AKNAD1: variants seen among roughly 807,000 people sequenced by gnomAD.
AKNAD1 encodes AKNA domain containing 1.
Under a neutral mutation model 90.8 loss-of-function variants are expected in AKNAD1, and 67 were observed. The ratio of observed to expected loss-of-function variants is 0.74; its 90% CI spans 0.61 to 0.90. The LOEUF (loss-of-function observed/expected upper bound fraction) is 0.90. Ranked by LOEUF, AKNAD1 falls within the 40% of genes least tolerant of loss-of-function variation. The pLI, the probability that AKNAD1 is intolerant of heterozygous loss-of-function variation, is 0.00. For missense variants in AKNAD1, 957 were observed against 975.4 expected (o/e 0.98, Z 0.25); for synonymous variants, 327 against 341.4 (o/e 0.96, Z 0.46).
intron 10 of AKNAD1, among the ~76,000 whole-genome samples, chr1:108,827,686 T>C (rs958978244): frequency 1.5e-4 from 22 of 150,472 alleles, no homozygotes; most frequent in East Asian, 1.2e-3. Flanking sequence ...CCGTAGTGGG[T>C]GCCTGTAGTC....
intron 3 of AKNAD1, among the ~76,000 whole-genome samples, chr1:108,849,316 A>C (rs2101213410): frequency 6.6e-6 from 1 of 151,034 alleles, no homozygotes; most frequent in African/African-American, 2.5e-5. Context: ...CCCCACATCT[A>C]CAAAAAAAAA....
At chr1:108,839,397 C>T (rs1355719854) in intron 6 of AKNAD1, among the ~76,000 whole-genome samples, 1 of 148,726 alleles carries the variant, frequency 6.7e-6, no homozygotes. Flanking sequence ...GGCGTGAAGC[C>T]GGGAGGCGGA....
intron 7 of AKNAD1, chr1:108,837,064 C>G (rs955566973): frequency 6.5e-6 from 1 of 152,998 alleles, no homozygotes; most frequent in Non-Finnish European, 1.5e-5. Context: ...AACCCCATCT[C>G]TACCAAAAAT....
intron 10 of AKNAD1, among the ~76,000 whole-genome samples, chr1:108,827,947 C>G (rs981817277): frequency 2.0e-5 from 3 of 151,166 alleles, no homozygotes; most frequent in Non-Finnish European, 4.4e-5. Flanking sequence ...TGGAGTTTTC[C>G]TCATGCATCA....
chr1:108,822,918 AAG>A (rs1663863883), intron 13 of AKNAD1: 4 of 390,172 alleles, frequency 1.0e-5, no homozygotes, highest in Non-Finnish European at 1.8e-5. Flanking sequence ...TTTTTTTTCA[AAG>A]ACAGCAAATT....
At chr1:108,838,650 C>T (rs1008282837) in intron 6 of AKNAD1, among the ~76,000 whole-genome samples, 11 of 152,032 alleles carry the variant, frequency 7.2e-5, no homozygotes, top group African/African-American at 2.7e-4. Context: ...TAAGATAAAA[C>T]ATGTTTTCTT....
intron 9 of AKNAD1, 75 bp downstream of exon 9, chr1:108,834,372 A>G: frequency 1.6e-6 from 2 of 1,273,612 alleles, no homozygotes; most frequent in South Asian, 1.3e-5. Flanking sequence ...TCACAGTCAC[A>G]TTCAGCAACA....
At chr1:108,822,312 T>C (rs1388725147) in intron 13 of AKNAD1, among the ~76,000 whole-genome samples, 1 of 152,192 alleles carries the variant, frequency 6.6e-6, no homozygotes, top group African/African-American at 2.4e-5. Flanking sequence ...GAGGAAAAGC[T>C]GCCTCCTTAT....
Position 108,834,505 on chromosome 1 carries a change from T to C in AKNAD1, c.1688A>G (p.Asp563Gly), listed in dbSNP as rs746778594. Residue 563 changes from aspartate (D) to glycine (G), a missense_variant, in exon 9 of 16, where the codon GAT becomes GGT. Physicochemically the swap from Asp to Gly is moderately conservative, Grantham distance 94. Coordinates refer to ENST00000370001, the MANE Select transcript of AKNAD1 (RefSeq NM_152763.5). ...GTCTGGCTTGTTCTGGGCAGCTGCA[T>C]CTCCATAATGACCGTTTAGGTAACT... ...PQTYLNGHYG[D>G]AAAQNKPDQV... 2.5e-6 allele frequency: 4 copies of C among 1,607,548 alleles called. No homozygotes were observed. Among genetic ancestry groups the C allele is most frequent in the Non-Finnish European group, 3.4e-6 (4 of 1,178,100 alleles).
intron 5 of AKNAD1, among the ~76,000 whole-genome samples, chr1:108,846,508 C>G (rs1176882919): frequency 6.6e-6 from 1 of 152,138 alleles, no homozygotes; most frequent in Admixed American, 6.5e-5. Flanking sequence ...CAATCAAAAC[C>G]AGGCTTGCCA....
chr1:108,850,567 C>T (rs1664819691), intron 2 of AKNAD1, among the ~76,000 whole-genome samples: 1 of 151,930 alleles, frequency 6.6e-6, no homozygotes, highest in African/African-American at 2.4e-5. Flanking sequence ...GTAGGGGGTT[C>T]TGCTCAAACT....
intron 6 of AKNAD1, 145 bp from the exon 7 acceptor site, chr1:108,837,851 T>A: frequency 1.1e-6 from 1 of 885,310 alleles, no homozygotes; most frequent in Non-Finnish European, 1.7e-6. Context: ...CCCGCATGAC[T>A]GTTCATAGTT....
At chr1:108,847,581 T>A (rs1664738967) in intron 5 of AKNAD1, among the ~76,000 whole-genome samples, 1 of 141,118 alleles carries the variant, frequency 7.1e-6, no homozygotes, top group African/African-American at 2.7e-5. Flanking sequence ...CACCACGTGC[T>A]CCCAAGTGCT....
At chr1:108,827,863 G>T (rs574679930) in intron 10 of AKNAD1, among the ~76,000 whole-genome samples, 1 of 150,178 alleles carries the variant, frequency 6.7e-6, no homozygotes, top group Non-Finnish European at 1.5e-5. Flanking sequence ...TAAATGTTTT[G>T]TTCTGCCGAG....
rs771034859 is a variant in AKNAD1, at chr1:108,830,602, C to T, written c.1795G>A (p.Ala599Thr). The T allele has an allele frequency of 8.7e-6, 14 of 1,614,006 alleles. No homozygotes were observed. The South Asian group carries it at 1.5e-4, about 18-fold the overall frequency. The change falls in exon 10 of 16, where the codon GCA (alanine) becomes ACA (threonine). Residue 599 changes from alanine to threonine, a missense_variant. Ala to Thr is a moderately conservative substitution (Grantham distance 58, BLOSUM62 0). Transcript: ENST00000370001. Reference protein sequence around the residue: ...PRRQDCAEMTAPSPSCAFCRR... With the variant: ...PRRQDCAEMTTPSPSCAFCRR... ...CAGAAGGCACAGCTCGGACTGGGTG[C>T]CGTCATCTCTGCACAATCCTGCCTT...
At chr1:108,849,329 A>G (rs1664786558) in intron 3 of AKNAD1, among the ~76,000 whole-genome samples, 2 of 151,500 alleles carry the variant, frequency 1.3e-5, no homozygotes, top group South Asian at 4.2e-4. Context: ...AAAAAAAAAA[A>G]TTATCTAGGT....
In AKNAD1 at chr1:108,843,282, T is replaced by G. The variant is rs1664606465; in HGVS notation, c.1246-15A>C. The G allele has an allele frequency of 6.2e-7, 1 of 1,612,332 alleles. No individual in the cohort carries two copies. The highest frequency in any genetic ancestry group is 1.3e-5 in the African/African-American group (1 of 74,896). ...TTCTCCAGGACCTGCAGCGGTGAAG[T>G]CACTGGAATCATTCACATGCAAGCC... is the stretch of plus-strand genomic sequence containing the variant. On this transcript the variant is annotated splice_polypyrimidine_tract_variant and intron_variant, in intron 5 of 15. Transcript: ENST00000370001.
At chr1:108,837,984 CTTACTTATCTGGA>C (rs1275542202) in intron 6 of AKNAD1, among the ~76,000 whole-genome samples, 1 of 152,098 alleles carries the variant, frequency 6.6e-6, no homozygotes, top group Non-Finnish European at 1.5e-5. Context: ...AATATTGTAC[CTTACTTATCTGGA>C]TTTGATGATT....
At position 108,849,580 on chromosome 1, in the gene AKNAD1, C is replaced by G; in HGVS notation, c.994-4G>C. 1 of 1,593,592 alleles carries G rather than the reference C, an allele frequency of 6.3e-7. No individual in the cohort carries two copies. Among genetic ancestry groups the G allele is most frequent in the Non-Finnish European group, 8.6e-7 (1 of 1,161,530 alleles). ...GGATATGTACTATGGGCTCCATCTG[C>G]ACAATTAAAGGGTAAGAAAACGTTA... On this transcript the variant is annotated splice_polypyrimidine_tract_variant and splice_region_variant and intron_variant, in intron 2 of 15. Coordinates refer to ENST00000370001, the MANE Select transcript of AKNAD1 (RefSeq NM_152763.5).
Sources: gnomAD v4.1 joint callset for allele counts (sites outside exome capture counted in the v4.1 genomes callset) on GRCh38, gnomAD v4.1.1 for gene constraint, MANE v1.5 for transcripts, NCBI Gene and HGNC (gene_info 2026-07-23, HGNC 2026-07-21) for gene names.